PUF60: variants seen among roughly 807,000 people sequenced by gnomAD.
PUF60 encodes the protein poly(U)-binding-splicing factor PUF60.
Under a neutral mutation model 61.8 loss-of-function variants are expected in PUF60, and 10 were observed. The ratio of observed to expected loss-of-function variants is 0.16; its 90% CI spans 0.10 to 0.27. The LOEUF (loss-of-function observed/expected upper bound fraction) is 0.27. Among genes scored for constraint, PUF60 ranks in the 10% least tolerant of loss-of-function variants. PUF60 has a pLI of 1.00. For synonymous variants in PUF60, 353 were observed against 300.9 expected (o/e 1.17, Z -1.79); for missense variants, 371 against 754.0 (o/e 0.49, Z 5.95).
In PUF60 at chr8:143,817,683, G is replaced by A. The variant is rs768613953; in HGVS notation, c.917C>T (p.Pro306Leu). 4 of 1,612,562 alleles carry A rather than the reference G, an allele frequency of 2.5e-6. No homozygotes were observed. Among genetic ancestry groups the A allele is most frequent in the Non-Finnish European group, 3.4e-6 (4 of 1,179,876 alleles). ...YLRVGKAVTP[P>L]MPLLTPATPG... ...CGTGGCTGGTGTGAGTAGGGGCATG[G>A]GCGGTGTGACAGCCTTGCCCACCCG... Residue 306 changes from proline to leucine, a missense_variant, in exon 9 of 12, where the codon CCC (proline) becomes CTC (leucine). By Grantham distance (98) the Pro-to-Leu change is moderately conservative (BLOSUM62 -3). Transcript: ENST00000526683. The surrounding 1 kb of genome is among the most constrained non-coding windows in gnomAD (Gnocchi z 7.4).
At chr8:143,824,153 T>G (rs1445582886) in intron 2 of PUF60, among the ~76,000 whole-genome samples, 160 bp downstream of exon 2, 1 of 152,184 alleles carries the variant, frequency 6.6e-6, no homozygotes, top group Non-Finnish European at 1.5e-5. Context: ...AGGGCCGTGG[T>G]CCTGCGGGCA....
chr8:143,821,439 CAG>C (rs1817008407), intron 4 of PUF60, 156 bp downstream of exon 4: 1 of 707,176 alleles, frequency 1.4e-6, no homozygotes, highest in South Asian at 1.8e-5. Context: ...ACTCGTGCCT[CAG>C]AGAGGACCCC....
Position 143,821,799 on chromosome 8 carries a change from C to G in PUF60, c.207+19G>C, listed in dbSNP as rs1345110231. 6.2e-7 allele frequency: 1 copy of G among 1,605,974 alleles called. No homozygotes were observed. The highest frequency in any genetic ancestry group is 1.7e-5 in the Admixed American group (1 of 59,686). On this transcript the variant is annotated intron_variant, in intron 3 of 11. Coordinates refer to ENST00000526683, the MANE Select transcript of PUF60 (RefSeq NM_078480.3). ...TTGACTGTCCCACACCTGCAGTGCC[C>G]TGGGAGGTCCATGCTCACCTTCTGA...
In PUF60 at chr8:143,816,893, C is replaced by T. The variant is rs758516597; in HGVS notation, c.1380+17G>A. 58 of 1,568,432 alleles carry T rather than the reference C, an allele frequency of 3.7e-5. No homozygotes were observed. The highest frequency in any genetic ancestry group is 1.3e-5 in the African/African-American group (1 of 74,246). ...CCCCTACCCTCTCCCCCGCCACCAC[C>T]CTGCCCCTCTGCCTACCTCCTGCTT... On this transcript the variant is annotated intron_variant, in intron 11 of 11. Transcript: ENST00000526683.
At chr8:143,820,348 AC>A (rs1816874589) in intron 5 of PUF60, 1 of 435,792 alleles carries the variant, frequency 2.3e-6, no homozygotes, top group Non-Finnish European at 4.2e-6. Flanking sequence ...CCGTGGGCAC[AC>A]CCCGTGCGTG....
chr8:143,824,136 C>T lies in PUF60; in HGVS notation c.111+177G>A, dbSNP rs774083935. On this transcript the variant is annotated intron_variant, in intron 2 of 11. Coordinates refer to ENST00000526683, the MANE Select transcript of PUF60 (RefSeq NM_078480.3). ...GGGTGGGGAGGGTGCAGGGCTGGTG[C>T]GGGGAGAGGGCCGTGGTCCTGCGGG... Among the ~76,000 whole-genome samples, 58 of 152,170 alleles carry T rather than the reference C, an allele frequency of 3.8e-4. 1 individual carries two copies. Among genetic ancestry groups the T allele is most frequent in the Admixed American group, 3.9e-4 (6 of 15,276 alleles).
chr8:143,816,444 CCGGGGA>C lies in PUF60; in HGVS notation c.*70_*75del, dbSNP rs1350723735. 6.0e-6 allele frequency: 9 copies of C among 1,507,522 alleles called. No homozygotes were observed. The Admixed American group carries it at 1.6e-4, about 27-fold the overall frequency. 93.4% of individuals were successfully genotyped at this position (1,507,522 alleles called of 1,614,324 possible). On this transcript the variant is annotated 3_prime_UTR_variant, in exon 12 of 12. Coordinates refer to ENST00000526683, the MANE Select transcript of PUF60 (RefSeq NM_078480.3). ...TGGGCTGGGCAGAGCGCGCCTGGCC[CCGGGGA>C]CACCACTGTATCACTATAAAACCCA...
Position 143,826,809 on chromosome 8 carries a change from C to T in PUF60, c.25-2410G>A, listed in dbSNP as rs558812436. Among the ~76,000 whole-genome samples, 23 of 152,314 alleles carry T rather than the reference C, an allele frequency of 1.5e-4. No individual in the cohort carries two copies. In the South Asian group the frequency reaches 1.9e-3, roughly 12 times the overall value. The stretch of plus-strand genomic sequence containing the variant: ...CAGGCTCCTCAGCTGGGAATGGGGA[C>T]GGCCTGTCTCCTAGGGCTACTGTGA... On this transcript the variant is annotated intron_variant, in intron 1 of 11. Transcript: ENST00000526683.
intron 4 of PUF60, among the ~76,000 whole-genome samples, 160 bp from the exon 5 acceptor site, chr8:143,820,876 G>A (rs1368607236): frequency 6.6e-6 from 1 of 152,174 alleles, no homozygotes; most frequent in Admixed American, 6.5e-5. Context: ...GCCCAGGGGG[G>A]CCGCAGCGCC....
chr8:143,827,579 C>G, intron 1 of PUF60: 1 of 389,644 alleles, frequency 2.6e-6, no homozygotes, highest in Non-Finnish European at 5.2e-6. Context: ...ATCACTGTGC[C>G]CAACCAGGAC....
intron 1 of PUF60, chr8:143,827,274 G>A (rs907355262): frequency 3.3e-5 from 14 of 427,900 alleles, no homozygotes; most frequent in Non-Finnish European, 6.6e-5. Context: ...GCCTACAGAA[G>A]AAAGGAACTG....
chr8:143,826,654 G>A (rs1356548250), intron 1 of PUF60, among the ~76,000 whole-genome samples: 7 of 152,324 alleles, frequency 4.6e-5, no homozygotes, highest in Admixed American at 2.0e-4. Context: ...AGGAGGCAGA[G>A]GTTGCAGTGA....
intron 2 of PUF60, chr8:143,822,770 G>C (rs941805781): frequency 2.9e-5 from 10 of 348,698 alleles, no homozygotes; most frequent in Non-Finnish European, 5.2e-5. Flanking sequence ...TGAGCAGGGA[G>C]GCATGGCTAG....
intron 1 of PUF60, 105 bp downstream of exon 1, chr8:143,829,175 T>C: frequency 8.2e-7 from 1 of 1,224,492 alleles, no homozygotes; most frequent in African/African-American, 1.6e-5. Context: ...GCGCGGGACC[T>C]GGGAAGACCG....
rs150860124 is a variant in PUF60 at position 143,824,211 on chromosome 8, C to G, written c.111+102G>C. ...AGGGTTCCCGAGGTTCCTCCCGCCC[C>G]GCCCCCAGCCAGCCCTCTCTGGGCC... On this transcript the variant is annotated intron_variant, in intron 2 of 11. Transcript: ENST00000526683. 29 of 1,252,788 alleles carry G rather than the reference C, an allele frequency of 2.3e-5. No homozygotes were observed. In the African/African-American group the frequency reaches 3.8e-4, roughly 16 times the overall value. 77.6% of individuals were successfully genotyped at this position (1,252,788 alleles called of 1,614,324 possible).
intron 1 of PUF60, among the ~76,000 whole-genome samples, chr8:143,827,732 A>G (rs1032039051): frequency 6.6e-6 from 1 of 152,258 alleles, no homozygotes; most frequent in Non-Finnish European, 1.5e-5. Flanking sequence ...TAAACCCAAC[A>G]GAATTTGGAT....
intron 1 of PUF60, chr8:143,827,228 C>T (rs747138925): frequency 2.0e-4 from 74 of 370,010 alleles, no homozygotes; most frequent in South Asian, 8.1e-4. Context: ...CCATGGCAGC[C>T]GGGGGCCTCT....
chr8:143,820,628 G>A, intron 5 of PUF60, 38 bp downstream of exon 5: 1 of 1,599,038 alleles, frequency 6.3e-7, no homozygotes, highest in Non-Finnish European at 8.6e-7. Flanking sequence ...CCCTGACTAA[G>A]GACATGAGCC....
intron 2 of PUF60, among the ~76,000 whole-genome samples, 154 bp downstream of exon 2, chr8:143,824,159 G>C (rs749922042): frequency 3.3e-5 from 5 of 152,212 alleles, no homozygotes; most frequent in African/African-American, 4.8e-5. Flanking sequence ...GTGGTCCTGC[G>C]GGCAGTTGTC....
Sources: gnomAD v4.1 joint callset for allele counts (sites outside exome capture counted in the v4.1 genomes callset) on GRCh38, gnomAD v4.1.1 for gene constraint, Gnocchi (gnomAD v3.1) non-coding constraint, MANE v1.5 for transcripts, NCBI Gene and HGNC (gene_info 2026-07-23, HGNC 2026-07-21) for gene names.